NGEF: variants seen among roughly 807,000 people sequenced by gnomAD.
NGEF encodes ephexin-1.
Under a neutral mutation model 80.9 loss-of-function variants are expected in NGEF, and 31 were observed. The ratio of observed to expected loss-of-function variants is 0.38; its 90% confidence interval spans 0.29 to 0.52. The LOEUF is 0.52. Ranked by LOEUF, NGEF falls within the 20% of genes least tolerant of loss-of-function variation. The pLI, the probability that NGEF is intolerant of heterozygous loss-of-function variation, is 0.84. For missense variants in NGEF, 709 were observed against 926.2 expected, an observed-to-expected ratio of 0.77 and a Z score of 3.04; for synonymous variants, 371 against 370.2, an observed-to-expected ratio of 1.00 and a Z score of -0.03.
chr2:232,891,581 C>T (rs370265064), intron 7 of NGEF, 94 bp from the exon 8 acceptor site: 13 of 1,387,292 alleles, frequency 9.4e-6, no homozygotes, highest in African/African-American at 7.2e-5. Context: ...AGGATCCAGA[C>T]GACCCACGGG....
intron 9 of NGEF, 103 bp from the exon 10 acceptor site, chr2:232,885,472 C>G: frequency 1.1e-6 from 1 of 896,498 alleles, no homozygotes; most frequent in East Asian, 2.4e-5. Context: ...CCACCGTGAC[C>G]AGACACTGTG....
Position 232,920,528 on chromosome 2 carries a change from C to A in NGEF, c.584G>T (p.Arg195Met). Reference sequence around the variant, plus strand: ...GTCTTCTATTTCTGCATCCTGTTGCCTCCTGGTTTCGATTTCTTGGAGAGT... The same window carrying A: ...GTCTTCTATTTCTGCATCCTGTTGCATCCTGGTTTCGATTTCTTGGAGAGT... ...KSTLQEIETR[R>M]QQDAEIEDNT... Residue 195 changes from arginine (R) to methionine (M), a missense_variant, in exon 5 of 15, where the codon AGG (arginine) becomes ATG (methionine). Physicochemically the swap from Arg to Met is moderately conservative, Grantham distance 91 (BLOSUM62 -1). Around this residue, in one of 2 missense-constraint regions of NGEF, gnomAD observed 283 missense variants for 303.4 expected, o/e 0.93. Coordinates refer to ENST00000264051, the MANE Select transcript of NGEF (RefSeq NM_019850.3). 1.3e-6 allele frequency: 2 copies of A among 1,565,788 alleles called. No individual in the cohort carries two copies. The highest frequency in any genetic ancestry group is 1.8e-5 in the Admixed American group (1 of 54,484).
chr2:232,981,661 T>C (rs1694431722), intron 1 of NGEF, among the ~76,000 whole-genome samples: 1 of 152,122 alleles, frequency 6.6e-6, no homozygotes, highest in African/African-American at 2.4e-5. Flanking sequence ...TCCAACCTGA[T>C]CAATCAGTAC....
At chr2:232,955,045 T>G (rs1439172201) in intron 3 of NGEF, among the ~76,000 whole-genome samples, 1 of 152,128 alleles carries the variant, frequency 6.6e-6, no homozygotes, top group Non-Finnish European at 1.5e-5. Context: ...CAACTTAAGA[T>G]GAGGACACTG....
At chr2:232,910,372 T>G (rs1343455469) in intron 5 of NGEF, among the ~76,000 whole-genome samples, 2 of 151,040 alleles carry the variant, frequency 1.3e-5, no homozygotes, top group African/African-American at 4.9e-5. Flanking sequence ...TTCTCACTCC[T>G]ATGAGAAATA....
intron 3 of NGEF, among the ~76,000 whole-genome samples, chr2:232,941,653 T>G (rs1251182345): frequency 6.6e-6 from 1 of 152,192 alleles, no homozygotes; most frequent in Non-Finnish European, 1.5e-5. Context: ...AAAGTTACTT[T>G]AAGAAACAAC....
At chr2:232,945,480 GACACAGACA>G (rs1391599717) in intron 3 of NGEF, among the ~76,000 whole-genome samples, 2 of 151,452 alleles carry the variant, frequency 1.3e-5, no homozygotes, top group Non-Finnish European at 2.9e-5. Context: ...CACAGACACA[GACACAGACA>G]CAGACACAGA....
intron 3 of NGEF, chr2:232,928,225 G>T: frequency 2.1e-6 from 2 of 963,276 alleles, no homozygotes; most frequent in Non-Finnish European, 2.5e-6. Context: ...GGGCGCGCGC[G>T]GCGGGGGCGA....
intron 3 of NGEF, among the ~76,000 whole-genome samples, chr2:232,937,694 C>T (rs1357258121): frequency 6.6e-6 from 1 of 152,188 alleles, no homozygotes; most frequent in Non-Finnish European, 1.5e-5. Context: ...AGCCAGTGGG[C>T]TCTGTGGTGC....
At chr2:233,000,378 T>C (rs1220183828) in intron 1 of NGEF, among the ~76,000 whole-genome samples, 1 of 152,104 alleles carries the variant, frequency 6.6e-6, no homozygotes, top group East Asian at 1.9e-4. Flanking sequence ...ATTGCAGGTG[T>C]GAGCCACCGT....
In NGEF at chr2:232,932,832, G is replaced by A. The variant is rs115971988; in HGVS notation, c.384-5646C>T. On this transcript the variant is annotated intron_variant, in intron 3 of 14. Transcript: ENST00000264051. Reference sequence around the variant, plus strand: ...TTAAAGGACACTAAGGGCCGAGTGCGGTGGCTCACACCTTTAATCCCAGCA... The same window carrying A: ...TTAAAGGACACTAAGGGCCGAGTGCAGTGGCTCACACCTTTAATCCCAGCA... 5.1e-3 allele frequency among the ~76,000 whole-genome samples: 775 copies of A among 152,088 alleles called. 8 individuals carry two copies. Among genetic ancestry groups the A allele is most frequent in the African/African-American group, 0.018 (743 of 41,468 alleles).
intron 1 of NGEF, among the ~76,000 whole-genome samples, chr2:232,992,317 G>C (rs559666732): frequency 2.0e-5 from 3 of 151,956 alleles, no homozygotes; most frequent in Admixed American, 1.3e-4. Context: ...CAGCACTTTG[G>C]GGGGCCGAGG....
Position 232,894,747 on chromosome 2 carries a change from C to T in NGEF, c.989+9G>A, listed in dbSNP as rs769424463. 49 of 1,562,884 alleles carry T rather than the reference C, an allele frequency of 3.1e-5. No homozygotes were observed. Among genetic ancestry groups the T allele is most frequent in the South Asian group, 1.1e-4 (10 of 86,970 alleles). ...CCCTGAGGGAGGTGGCTGTCCCCCC[C>T]GTCCTCACCGCTCACTGACAGCCAG... On this transcript the variant is annotated intron_variant, in intron 6 of 14. Coordinates refer to ENST00000264051, the MANE Select transcript of NGEF (RefSeq NM_019850.3).
intron 1 of NGEF, among the ~76,000 whole-genome samples, chr2:232,976,425 A>G (rs1030382293): frequency 2.0e-5 from 3 of 152,040 alleles, no homozygotes; most frequent in Admixed American, 6.5e-5. Context: ...CCAGCCCCAC[A>G]CTACTGATCT....
chr2:233,004,835 G>T (rs1292125545), intron 1 of NGEF, among the ~76,000 whole-genome samples: 1 of 151,900 alleles, frequency 6.6e-6, no homozygotes, highest in Non-Finnish European at 1.5e-5. Flanking sequence ...GTGGACATTT[G>T]GTTGAGGCAA....
chr2:232,905,097 T>TCCTCTCA (rs1271148682), intron 5 of NGEF, among the ~76,000 whole-genome samples: 1 of 149,486 alleles, frequency 6.7e-6, no homozygotes, highest in African/African-American at 2.5e-5. Context: ...CCCCTCTCTC[T>TCCTCTCA]CCTCTCACCT....
intron 12 of NGEF, among the ~76,000 whole-genome samples, chr2:232,882,905 CAG>C (rs770529789): frequency 1.3e-5 from 2 of 152,186 alleles, no homozygotes; most frequent in African/African-American, 4.8e-5. Context: ...CCCAGCTGCT[CAG>C]AGAGGTGAAG....
chr2:232,886,797 G>A (rs1691710564), intron 9 of NGEF, among the ~76,000 whole-genome samples: 1 of 152,258 alleles, frequency 6.6e-6, no homozygotes, highest in Non-Finnish European at 1.5e-5. Flanking sequence ...TGTGGCTGCT[G>A]TCTGGTGGTG....
chr2:232,883,931 A>G (rs1559189764), intron 11 of NGEF, 50 bp downstream of exon 11: 2 of 1,539,554 alleles, frequency 1.3e-6, no homozygotes. Context: ...CCAATGCCCA[A>G]CACACTCCTC....
Sources: gnomAD v4.1 joint callset for allele counts (sites outside exome capture counted in the v4.1 genomes callset) on GRCh38, gnomAD v4.1.1 for gene constraint, gnomAD v4.1.1 regional missense constraint, MANE v1.5 for transcripts, NCBI Gene and HGNC (gene_info 2026-07-23, HGNC 2026-07-21) for gene names.